Variants in NPAS3 observed in about 807,000 individuals in gnomAD.
NPAS3 encodes neuronal PAS domain-containing protein 3.
In NPAS3, 14 loss-of-function variants were observed where a neutral mutation model predicts 73.1. The ratio of observed to expected loss-of-function variants is 0.19; its 90% CI spans 0.13 to 0.30. NPAS3 has a LOEUF of 0.30. Among genes scored for constraint, NPAS3 ranks in the 10% least tolerant of loss-of-function variants. The pLI is 1.00. For missense variants in NPAS3, 1,096 were observed against 1,250.0 expected, an observed-to-expected ratio of 0.88 and a Z score of 1.86; for synonymous variants, 620 against 541.5, an observed-to-expected ratio of 1.14 and a Z score of -2.01.
intron 2 of NPAS3, among the ~76,000 whole-genome samples, chr14:33,102,962 G>C (rs972367694): frequency 6.6e-6 from 1 of 152,170 alleles, no homozygotes. Flanking sequence ...TTACAGTATA[G>C]CAGTCTGCAG....
intron 9 of NPAS3, among the ~76,000 whole-genome samples, chr14:33,787,313 T>C (rs1051644303): frequency 5.3e-5 from 8 of 152,202 alleles, no homozygotes; most frequent in Admixed American, 1.3e-4. Context: ...GCTTAACAAA[T>C]TGACGCATTC....
chr14:33,469,326 A>G (rs1450987252), intron 4 of NPAS3, among the ~76,000 whole-genome samples: 1 of 150,998 alleles, frequency 6.6e-6, no homozygotes, highest in Non-Finnish European at 1.5e-5. Flanking sequence ...GTGTGTGTGT[A>G]TGTATATGTT....
intron 3 of NPAS3, among the ~76,000 whole-genome samples, chr14:33,292,223 T>C (rs922024692): frequency 2.0e-5 from 3 of 152,196 alleles, no homozygotes; most frequent in Non-Finnish European, 4.4e-5. Context: ...GGCTACCCGT[T>C]GCACCAACCA....
chr14:33,487,502 G>C (rs2051668760), intron 4 of NPAS3, among the ~76,000 whole-genome samples: 1 of 152,166 alleles, frequency 6.6e-6, no homozygotes, highest in African/African-American at 2.4e-5. Context: ...ATTTACAATA[G>C]GCTAGAGGGA....
chr14:33,223,507 A>G (rs1428130167), intron 3 of NPAS3, among the ~76,000 whole-genome samples: 3 of 152,176 alleles, frequency 2.0e-5, no homozygotes, highest in African/African-American at 7.2e-5. Context: ...AGAAAATTAA[A>G]CATACCATGT....
chr14:33,460,058 G>T (rs917233944), intron 4 of NPAS3, among the ~76,000 whole-genome samples: 2 of 152,184 alleles, frequency 1.3e-5, no homozygotes, highest in Non-Finnish European at 2.9e-5. Context: ...AGATTTTGTA[G>T]TAGCATCAAA....
At chr14:33,609,716 G>A (rs951736363) in intron 5 of NPAS3, among the ~76,000 whole-genome samples, 30 of 151,994 alleles carry the variant, frequency 2.0e-4, no homozygotes, top group African/African-American at 6.0e-4. Context: ...CCTGTGTTCC[G>A]CAGCACCAGG....
chr14:33,162,855 G>T (rs889249639), intron 2 of NPAS3, among the ~76,000 whole-genome samples: 1 of 152,102 alleles, frequency 6.6e-6, no homozygotes, highest in Non-Finnish European at 1.5e-5. Flanking sequence ...ATCGGATGTT[G>T]GTTCTGTCTT....
intron 6 of NPAS3, among the ~76,000 whole-genome samples, chr14:33,698,877 A>G (rs2060456504): frequency 6.6e-6 from 1 of 152,256 alleles, no homozygotes. Flanking sequence ...GCCATTTAAA[A>G]GAATGCTGAG....
At chr14:33,459,529 A>G (rs895871654) in intron 4 of NPAS3, among the ~76,000 whole-genome samples, 1 of 152,228 alleles carries the variant, frequency 6.6e-6, no homozygotes, top group Non-Finnish European at 1.5e-5. Flanking sequence ...AATCAGTGTC[A>G]TCTCAAAGTC....
intron 6 of NPAS3, among the ~76,000 whole-genome samples, chr14:33,711,401 G>A (rs924492282): frequency 2.6e-5 from 4 of 152,184 alleles, no homozygotes; most frequent in South Asian, 4.2e-4. Flanking sequence ...AAATGCGACC[G>A]GACAATGCTT....
At chr14:33,595,046 T>C (rs575965266) in intron 5 of NPAS3, among the ~76,000 whole-genome samples, 1 of 152,350 alleles carries the variant, frequency 6.6e-6, no homozygotes, top group East Asian at 1.9e-4. Flanking sequence ...AGAAATGTTA[T>C]GCCATGCAAC....
intron 3 of NPAS3, among the ~76,000 whole-genome samples, chr14:33,335,030 TTGTGTGTGTGTGCGTGTGTGTG>T (rs1292657887): frequency 1.4e-5 from 2 of 144,266 alleles, no homozygotes; most frequent in East Asian, 4.0e-4. Context: ...TGGTATTCCA[TTGTGTGTGTGTGCGTGTGTGTG>T]TGTGTGTGTG....
chr14:33,579,395 T>A (rs2056573269), intron 5 of NPAS3, among the ~76,000 whole-genome samples: 1 of 152,238 alleles, frequency 6.6e-6, no homozygotes, highest in South Asian at 2.1e-4. Context: ...TTGAATGATC[T>A]ACAGGATCTC....
chr14:33,360,746 A>C (rs1371703005), intron 3 of NPAS3, among the ~76,000 whole-genome samples: 1 of 152,136 alleles, frequency 6.6e-6, no homozygotes, highest in African/African-American at 2.4e-5. Flanking sequence ...GCACTTTTGG[A>C]GTCTCAGGTA....
chr14:33,792,577 C>A (rs1336528021), intron 9 of NPAS3, among the ~76,000 whole-genome samples: 2 of 106,922 alleles, frequency 1.9e-5, no homozygotes, highest in African/African-American at 7.9e-5. Context: ...CATCCACCCC[C>A]CTCCAAAAAA....
chr14:33,315,014 A>C (rs1182928327), intron 3 of NPAS3, among the ~76,000 whole-genome samples: 1 of 152,104 alleles, frequency 6.6e-6, no homozygotes, highest in Admixed American at 6.6e-5. Context: ...TCATATCATC[A>C]AAGGGCAACA....
chr14:32,960,821 C>T (rs1303232989), intron 1 of NPAS3, among the ~76,000 whole-genome samples: 1 of 152,074 alleles, frequency 6.6e-6, no homozygotes, highest in East Asian at 1.9e-4. Flanking sequence ...AGATGAAAAC[C>T]TGCAATAAGA....
At chr14:33,361,381 G>A (rs2045593211) in intron 3 of NPAS3, among the ~76,000 whole-genome samples, 1 of 152,160 alleles carries the variant, frequency 6.6e-6, no homozygotes, top group African/African-American at 2.4e-5. Context: ...TTCTCAAGAA[G>A]CCGAGAAGTG....
Sources: gnomAD v4.1 joint callset for allele counts (sites outside exome capture counted in the v4.1 genomes callset) on GRCh38, gnomAD v4.1.1 for gene constraint, MANE v1.5 for transcripts, NCBI Gene and HGNC (gene_info 2026-07-23, HGNC 2026-07-21) for gene names.